The following CEP112 variants were observed in gnomAD, a reference collection of about 807,000 sequenced individuals.
The protein encoded by CEP112 is centrosomal protein 112, also known as centrosomal protein of 112 kDa.
CEP112 carries 127 observed loss-of-function variants against 153.0 expected under a neutral mutation model. The ratio of observed to expected loss-of-function variants is 0.83; its 90% CI spans 0.72 to 0.96. The LOEUF (loss-of-function observed/expected upper bound fraction) is 0.96. Among genes scored for constraint, CEP112 ranks in the 40% least tolerant of loss-of-function variants. The pLI is 0.00. For synonymous variants in CEP112, 358 were observed against 374.4 expected (o/e 0.96, Z 0.51); for missense variants, 1,089 against 1,101.2 (o/e 0.99, Z 0.16).
chr17:65,968,174 G>T (rs998425624), intron 17 of CEP112, among the ~76,000 whole-genome samples: 1 of 152,022 alleles, frequency 6.6e-6, no homozygotes, highest in Non-Finnish European at 1.5e-5. Flanking sequence ...ACCACTTCTT[G>T]TTATTAGGAG....
At chr17:66,142,443 C>G (rs1212278524) in intron 4 of CEP112, among the ~76,000 whole-genome samples, 1 of 152,198 alleles carries the variant, frequency 6.6e-6, no homozygotes. Context: ...TGTCAAGAAG[C>G]TTTCCCCCTA....
At chr17:66,090,464 T>C (rs2068091502) in intron 8 of CEP112, among the ~76,000 whole-genome samples, 1 of 152,048 alleles carries the variant, frequency 6.6e-6, no homozygotes, top group Non-Finnish European at 1.5e-5. Flanking sequence ...TCAAGGTTAT[T>C]ATCAGTTTAA....
chr17:65,975,655 A>G (rs1262680124), intron 17 of CEP112, among the ~76,000 whole-genome samples: 1 of 152,224 alleles, frequency 6.6e-6, no homozygotes, highest in Non-Finnish European at 1.5e-5. Flanking sequence ...CACTACATAT[A>G]AAAATGTGTG....
intron 6 of CEP112, among the ~76,000 whole-genome samples, chr17:66,126,175 C>G (rs898823328): frequency 6.6e-6 from 1 of 152,130 alleles, no homozygotes; most frequent in Non-Finnish European, 1.5e-5. Context: ...TTCTAGAAAC[C>G]AGAATGAACA....
At chr17:65,824,413 T>C (rs2056739097) in intron 21 of CEP112, among the ~76,000 whole-genome samples, 2 of 152,100 alleles carry the variant, frequency 1.3e-5, no homozygotes, top group African/African-American at 4.8e-5. Context: ...AGAAAAGAAG[T>C]GGAGCTGATG....
At position 65,693,177 on chromosome 17, in the gene CEP112, C is replaced by A. The variant is rs560846272; in HGVS notation, c.2608-3959G>T. Among the ~76,000 whole-genome samples, 173 of 152,212 alleles carry A rather than the reference C, an allele frequency of 1.1e-3. 1 individual carries two copies. The highest frequency in any genetic ancestry group is 2.5e-3 in the South Asian group (12 of 4,818). The stretch of plus-strand genomic sequence containing the variant: ...CGAAGAGTTGTTCCCCACTTCCTGG[C>A]TTCTCTCCCTCCTTGCCTTCACCTG... On this transcript the variant is annotated intron_variant, in intron 23 of 26. Coordinates refer to ENST00000535342, the MANE Select transcript of CEP112 (RefSeq NM_001199165.4).
At chr17:66,015,924 G>T (rs2064751976) in intron 16 of CEP112, among the ~76,000 whole-genome samples, 2 of 152,060 alleles carry the variant, frequency 1.3e-5, no homozygotes, top group East Asian at 1.9e-4. Context: ...CAAAATTTTT[G>T]ATTCTTTGTC....
chr17:65,771,094 T>A (rs1018889574), intron 21 of CEP112, among the ~76,000 whole-genome samples: 2 of 152,056 alleles, frequency 1.3e-5, no homozygotes, highest in African/African-American at 4.8e-5. Flanking sequence ...CTTATCACTG[T>A]GTTTTTAAAA....
chr17:66,097,832 C>T (rs973476313), intron 6 of CEP112, among the ~76,000 whole-genome samples: 11 of 152,084 alleles, frequency 7.2e-5, no homozygotes, highest in Admixed American at 1.3e-4. Flanking sequence ...AAATCTCTAC[C>T]GTGAAAGTCT....
At chr17:65,955,365 T>C (rs1307889108) in intron 18 of CEP112, among the ~76,000 whole-genome samples, 2 of 152,152 alleles carry the variant, frequency 1.3e-5, no homozygotes, top group African/African-American at 2.4e-5. Flanking sequence ...TAAAAGGTGT[T>C]CTAAATCTTC....
intron 20 of CEP112, among the ~76,000 whole-genome samples, chr17:65,894,366 A>C (rs573990903): frequency 1.3e-5 from 2 of 152,204 alleles, no homozygotes; most frequent in African/African-American, 4.8e-5. Flanking sequence ...GTCTAGAAGA[A>C]ACACATTTTC....
intron 6 of CEP112, among the ~76,000 whole-genome samples, chr17:66,117,782 G>A (rs1305882203): frequency 1.3e-5 from 2 of 152,094 alleles, no homozygotes; most frequent in Admixed American, 1.3e-4. Flanking sequence ...TGAGATTAAT[G>A]ACCAAAATAC....
At chr17:66,131,165 A>G (rs1360840891) in intron 5 of CEP112, among the ~76,000 whole-genome samples, 1 of 152,172 alleles carries the variant, frequency 6.6e-6, no homozygotes, top group Non-Finnish European at 1.5e-5. Context: ...TTCATATTTT[A>G]CTGAGTTTCT....
intron 20 of CEP112, among the ~76,000 whole-genome samples, chr17:65,882,257 C>T (rs906629081): frequency 2.0e-5 from 3 of 152,204 alleles, no homozygotes; most frequent in Admixed American, 2.0e-4. Context: ...GTCTCTAATA[C>T]TGTACTGAGC....
At chr17:65,786,615 C>G (rs985635631) in intron 21 of CEP112, among the ~76,000 whole-genome samples, 1 of 129,944 alleles carries the variant, frequency 7.7e-6, no homozygotes, top group Non-Finnish European at 1.6e-5. Context: ...GAGGCAGGGT[C>G]TCACTCTGTC....
rs184318285 is a variant in CEP112 at position 65,928,674 on chromosome 17, G to C, written c.1873-985C>G. Among the ~76,000 whole-genome samples the C allele has an allele frequency of 8.7e-4, 132 of 152,220 alleles. 3 individuals are homozygous for C. The South Asian group carries it at 8.7e-3, about 10-fold the overall frequency. Reference sequence around the variant, plus strand: ...GCCCAGGAGTCGGAGACCAGTGTAGGCAACATAGTGAGACTGTGTCTCTAC... The same window carrying C: ...GCCCAGGAGTCGGAGACCAGTGTAGCCAACATAGTGAGACTGTGTCTCTAC... On this transcript the variant is annotated intron_variant, in intron 18 of 26. Transcript: ENST00000535342.
chr17:65,962,723 A>G (rs1209962699), intron 17 of CEP112, among the ~76,000 whole-genome samples: 3 of 110,552 alleles, frequency 2.7e-5, no homozygotes, highest in African/African-American at 9.1e-5. Flanking sequence ...TGCTGTTCTC[A>G]TGATAGTGAG....
chr17:66,146,980 A>G (rs753495774), intron 4 of CEP112, among the ~76,000 whole-genome samples: 28 of 152,174 alleles, frequency 1.8e-4, no homozygotes, highest in Non-Finnish European at 3.1e-4. Context: ...GAATATGCAA[A>G]TATCTCTTCA....
chr17:65,701,857 C>T (rs1257741437), intron 23 of CEP112, among the ~76,000 whole-genome samples: 4 of 151,260 alleles, frequency 2.6e-5, no homozygotes, highest in African/African-American at 9.7e-5. Context: ...GTTCTCCCTC[C>T]TAGTTAGTTG....
Sources: allele counts gnomAD v4.1 joint callset (sites outside exome capture counted in the v4.1 genomes callset), GRCh38; gene constraint gnomAD v4.1.1; transcripts MANE v1.5; gene names NCBI Gene and HGNC (gene_info 2026-07-23, HGNC 2026-07-21).